Variants in CDH8 observed in about 807,000 individuals in gnomAD.
The protein encoded by CDH8 is cadherin-8.
A neutral mutation model predicts 68.1 loss-of-function variants in CDH8; 17 were observed. The ratio of observed to expected loss-of-function variants is 0.25; its 90% CI spans 0.17 to 0.37. The LOEUF (loss-of-function observed/expected upper bound fraction) is 0.37. Among genes scored for constraint, CDH8 ranks in the 10% least tolerant of loss-of-function variants. The pLI is 1.00. For synonymous variants in CDH8, 372 were observed against 365.1 expected (o/e 1.02, Z -0.21); for missense variants, 763 against 999.3 (o/e 0.76, Z 3.19).
intron 2 of CDH8, among the ~76,000 whole-genome samples, chr16:62,002,985 G>C (rs1003677666): frequency 1.3e-5 from 2 of 152,064 alleles, no homozygotes; most frequent in Non-Finnish European, 2.9e-5. Flanking sequence ...CCGGAAGGCG[G>C]AACTTGCAGT....
At chr16:61,982,971 AG>A (rs542168017) in intron 2 of CDH8, among the ~76,000 whole-genome samples, 215 of 152,288 alleles carry the variant, frequency 1.4e-3, no homozygotes, top group African/African-American at 4.9e-3. Context: ...ATCGTGAAAA[AG>A]TTTCTACATG....
chr16:61,669,159 A>G (rs1406978473), intron 10 of CDH8, among the ~76,000 whole-genome samples: 1 of 152,092 alleles, frequency 6.6e-6, no homozygotes, highest in Non-Finnish European at 1.5e-5. Context: ...CACACATATG[A>G]AAATAAGACA....
intron 2 of CDH8, among the ~76,000 whole-genome samples, chr16:61,955,326 G>A (rs1415658731): frequency 1.3e-5 from 2 of 152,158 alleles, no homozygotes; most frequent in Non-Finnish European, 2.9e-5. Context: ...TTGGCCAAAG[G>A]GGCCAGCTGT....
chr16:61,958,900 T>C (rs2143621293), intron 2 of CDH8, among the ~76,000 whole-genome samples: 1 of 152,236 alleles, frequency 6.6e-6, no homozygotes, highest in Non-Finnish European at 1.5e-5. Context: ...TAGCTCCATC[T>C]CCATCAGTAT....
chr16:61,657,068 T>C (rs1963462318), intron 10 of CDH8, among the ~76,000 whole-genome samples: 2 of 139,516 alleles, frequency 1.4e-5, no homozygotes, highest in Non-Finnish European at 1.6e-5. Context: ...TTTTTTTTTT[T>C]CAAATATTGG....
At chr16:61,947,030 T>A (rs1048634324) in intron 2 of CDH8, among the ~76,000 whole-genome samples, 5 of 152,186 alleles carry the variant, frequency 3.3e-5, no homozygotes, top group Non-Finnish European at 7.3e-5. Flanking sequence ...TCAACTCTCC[T>A]ATTTACCAGG....
intron 10 of CDH8, among the ~76,000 whole-genome samples, chr16:61,688,816 T>C (rs1964156889): frequency 6.6e-6 from 1 of 152,032 alleles, no homozygotes; most frequent in South Asian, 2.1e-4. Context: ...TCAGTTCTAG[T>C]GGTCTTTATG....
intron 10 of CDH8, among the ~76,000 whole-genome samples, chr16:61,660,877 T>C (rs983592449): frequency 6.6e-6 from 1 of 151,842 alleles, no homozygotes; most frequent in African/African-American, 2.4e-5. Context: ...GACAAAAAAA[T>C]GAGAGAATTT....
intron 7 of CDH8, among the ~76,000 whole-genome samples, chr16:61,814,002 A>G (rs931202508): frequency 6.6e-6 from 1 of 152,188 alleles, no homozygotes; most frequent in Non-Finnish European, 1.5e-5. Context: ...CTCTACTAAA[A>G]TAAGTTTTAG....
chr16:61,826,481 C>T (rs1470013897), intron 4 of CDH8, among the ~76,000 whole-genome samples: 1 of 151,756 alleles, frequency 6.6e-6, no homozygotes, highest in Non-Finnish European at 1.5e-5. Context: ...CAGAATACTT[C>T]TATTGAATTG....
rs1961326111 is a variant in CDH8, at chr16:61,789,468, C to T, written c.1292G>A (p.Arg431Gln). 5.0e-6 allele frequency: 8 copies of T among 1,612,396 alleles called. No individual in the cohort carries two copies. Among genetic ancestry groups the T allele is most frequent in the Admixed American group, 3.3e-5 (2 of 59,768 alleles). The change falls in exon 8 of 12, where the codon CGG (arginine) becomes CAG (glutamine). Residue 431 changes from arginine (R) to glutamine (Q), a missense_variant. This residue lies in a region of CDH8 where 366 missense variants were observed against 563.1 expected (regional missense o/e 0.65). Transcript: ENST00000577390. ...TSSPIRFSIDRHTDLERQFNI... is the reference protein window; with the variant it reads ...TSSPIRFSIDQHTDLERQFNI... ...GAACTGCCTCTCCAGGTCAGTGTGCCGGTCGATGGAAAACCTACAAAACAG... is the reference window on the plus strand; with the variant it reads ...GAACTGCCTCTCCAGGTCAGTGTGCTGGTCGATGGAAAACCTACAAAACAG...
Position 62,034,672 on chromosome 16 carries a change from C to A in CDH8, c.-200+1408G>T, listed in dbSNP as rs562646304. The stretch of plus-strand genomic sequence containing the variant: ...CAGCTGATCTGATTAGCAGCTCGGG[C>A]GCGCTAAGGGATTGTCGAATCATGC... On this transcript the variant is annotated intron_variant, in intron 1 of 11. Coordinates refer to ENST00000577390, the MANE Select transcript of CDH8 (RefSeq NM_001796.5). Among the ~76,000 whole-genome samples, 5 of 152,140 alleles carry A rather than the reference C, an allele frequency of 3.3e-5. No homozygotes were observed. In the East Asian group the frequency reaches 7.8e-4, roughly 24 times the overall value.
intron 8 of CDH8, among the ~76,000 whole-genome samples, chr16:61,768,439 T>C (rs567616122): frequency 4.3e-4 from 61 of 143,024 alleles, no homozygotes; most frequent in African/African-American, 1.5e-3. Flanking sequence ...CCTCTCCCTC[T>C]CTCTCTCGCA....
chr16:61,863,318 T>A (rs887599515), intron 3 of CDH8, among the ~76,000 whole-genome samples: 6 of 152,074 alleles, frequency 3.9e-5, no homozygotes, highest in Non-Finnish European at 1.5e-5. Flanking sequence ...GACCCATTTT[T>A]CTCCCCTTCC....
intron 2 of CDH8, among the ~76,000 whole-genome samples, chr16:61,957,182 C>T (rs1597089092): frequency 6.6e-6 from 1 of 152,090 alleles, no homozygotes; most frequent in African/African-American, 2.4e-5. Flanking sequence ...TCCCCTAAGA[C>T]ATGCAGATAC....
chr16:61,736,107 GAAA>G (rs1959671923), intron 8 of CDH8, among the ~76,000 whole-genome samples: 2 of 125,676 alleles, frequency 1.6e-5, no homozygotes, highest in African/African-American at 2.8e-5. Context: ...AGGAAAGAAA[GAAA>G]GAAAGGAAGG....
At chr16:61,757,894 T>C (rs1421083611) in intron 8 of CDH8, among the ~76,000 whole-genome samples, 2 of 152,206 alleles carry the variant, frequency 1.3e-5, no homozygotes, top group Non-Finnish European at 2.9e-5. Flanking sequence ...GATGTTTTTT[T>C]CTGCCGCTAA....
At chr16:61,782,257 C>T (rs972170847) in intron 8 of CDH8, among the ~76,000 whole-genome samples, 5 of 152,324 alleles carry the variant, frequency 3.3e-5, no homozygotes, top group Non-Finnish European at 4.4e-5. Context: ...CGAAGCAGGG[C>T]GAGGCATTGC....
rs66743095 is a variant in CDH8, at chr16:61,953,895, TTATATATATATA to T, written c.253-52434_253-52423del. On this transcript the variant is annotated intron_variant, in intron 2 of 11. Transcript: ENST00000577390. ...CTGTCTCAAAAAGAAAAAAAAAACT[TTATATATATATA>T]TATATATATATATATATATAAAATA... Among the ~76,000 whole-genome samples the T allele has an allele frequency of 5.0e-4, 60 of 118,866 alleles. 1 individual carries two copies. The East Asian group carries it at 0.011, about 22-fold the overall frequency. 78.0% of individuals were successfully genotyped at this position (118,866 alleles called of 152,430 possible). A position where few individuals can be genotyped will look rare whatever the true frequency, so the allele number is the denominator to read the frequency against.
Sources: gnomAD v4.1 joint callset for allele counts (sites outside exome capture counted in the v4.1 genomes callset) on GRCh38, gnomAD v4.1.1 for gene constraint, gnomAD v4.1.1 regional missense constraint, MANE v1.5 for transcripts, NCBI Gene and HGNC (gene_info 2026-07-23, HGNC 2026-07-21) for gene names.